The following ETFDH variants were observed in gnomAD, a reference collection of about 807,000 sequenced individuals.
ETFDH encodes the protein electron transfer flavoprotein dehydrogenase.
Under a neutral mutation model 73.2 loss-of-function variants are expected in ETFDH, and 61 were observed. That is an observed-to-expected ratio of 0.83 (90% CI 0.68 to 1.03). The LOEUF (loss-of-function observed/expected upper bound fraction) is 1.03, where lower values mean the gene tolerates loss of function less well. Among genes scored for constraint, ETFDH ranks in the 50% least tolerant of loss-of-function variants. The pLI, the probability that ETFDH is intolerant of heterozygous loss-of-function variation, is 0.00. For missense variants in ETFDH, 685 were observed against 745.0 expected (o/e 0.92, Z 0.94); for synonymous variants, 243 against 253.3 (o/e 0.96, Z 0.39).
chr4:158,700,234 T>C (rs1040130409), intron 9 of ETFDH, among the ~76,000 whole-genome samples: 2 of 152,010 alleles, frequency 1.3e-5, no homozygotes, highest in Non-Finnish European at 2.9e-5. Context: ...ATAAATATAA[T>C]CACTAGAATC....
chr4:158,685,005 A>G, intron 4 of ETFDH, 96 bp from the exon 5 acceptor site: 2 of 778,266 alleles, frequency 2.6e-6, no homozygotes, highest in Non-Finnish European at 4.4e-6. Context: ...GCACTTATGT[A>G]GAAATACATA....
intron 2 of ETFDH, chr4:158,681,938 A>G: frequency 2.0e-6 from 1 of 493,120 alleles, no homozygotes. Flanking sequence ...ACACAAGTAA[A>G]TATTTGCTAA....
At chr4:158,690,325 A>C in intron 5 of ETFDH, 23 bp from the exon 6 acceptor site, 2 of 1,338,598 alleles carry the variant, frequency 1.5e-6, no homozygotes, top group Non-Finnish European at 2.2e-6. Context: ...GGTATTAATA[A>C]ATTTGTTTTT....
chr4:158,708,274 T>G, intron 12 of ETFDH, 90 bp from the exon 13 acceptor site: 1 of 936,716 alleles, frequency 1.1e-6, no homozygotes, highest in Non-Finnish European at 1.7e-6. Flanking sequence ...CTTTAAGGTT[T>G]CTGTGGCTAC....
At chr4:158,685,764 C>A (rs62351200) in intron 5 of ETFDH, among the ~76,000 whole-genome samples, 1 of 152,106 alleles carries the variant, frequency 6.6e-6, no homozygotes, top group Non-Finnish European at 1.5e-5. Context: ...AATGATGACC[C>A]GATAACCCAG....
chr4:158,706,996 T>C (rs1774641805), intron 12 of ETFDH, 146 bp downstream of exon 12: 1 of 630,946 alleles, frequency 1.6e-6, no homozygotes, highest in Non-Finnish European at 2.8e-6. Flanking sequence ...AAACATACTT[T>C]TAACTACTGG....
intron 3 of ETFDH, 81 bp from the exon 4 acceptor site, chr4:158,684,511 A>T: frequency 2.5e-6 from 2 of 803,766 alleles, no homozygotes; most frequent in South Asian, 3.1e-5. Context: ...TCATCAGAGT[A>T]CATTTTATAG....
At chr4:158,680,706 C>G in intron 2 of ETFDH, 99 bp downstream of exon 2, 1 of 1,056,548 alleles carries the variant, frequency 9.5e-7, no homozygotes, top group Non-Finnish European at 1.5e-6. Context: ...TTAAAAACAT[C>G]TAATAATATT....
At chr4:158,675,040 C>T (rs1189388903) in intron 1 of ETFDH, among the ~76,000 whole-genome samples, 5 of 151,950 alleles carry the variant, frequency 3.3e-5, no homozygotes. Flanking sequence ...TTTTTTATAA[C>T]AGCTTTAATA....
chr4:158,699,214 A>G, intron 9 of ETFDH, 84 bp downstream of exon 9: 1 of 1,147,194 alleles, frequency 8.7e-7, no homozygotes, highest in East Asian at 2.5e-5. Context: ...TAGATAAAGA[A>G]TAAAAACAAT....
intron 9 of ETFDH, among the ~76,000 whole-genome samples, chr4:158,702,455 G>A (rs984430116): frequency 1.6e-4 from 24 of 149,116 alleles, no homozygotes; most frequent in Admixed American, 6.7e-5. Context: ...TCCATATCCC[G>A]CCCCCACGCC....
intron 12 of ETFDH, among the ~76,000 whole-genome samples, chr4:158,707,891 C>T (rs550989697): frequency 7.9e-5 from 12 of 152,280 alleles, no homozygotes; most frequent in Admixed American, 3.3e-4. Flanking sequence ...TGTTGGACCT[C>T]GAACTGTAGA....
chr4:158,695,391 C>A, intron 6 of ETFDH, 106 bp from the exon 7 acceptor site: 1 of 761,084 alleles, frequency 1.3e-6, no homozygotes, highest in Non-Finnish European at 2.2e-6. Context: ...TATACATTTG[C>A]ACTGTCTCTT....
intron 5 of ETFDH, among the ~76,000 whole-genome samples, chr4:158,688,106 G>A (rs1278661006): frequency 1.3e-5 from 2 of 149,644 alleles, no homozygotes; most frequent in Admixed American, 1.3e-4. Flanking sequence ...AAAAAAGAAT[G>A]AAACAGGCCA....
At chr4:158,686,308 G>A (rs1774003298) in intron 5 of ETFDH, among the ~76,000 whole-genome samples, 1 of 151,968 alleles carries the variant, frequency 6.6e-6, no homozygotes. Flanking sequence ...CAAAAGACAG[G>A]GTAACAAGAA....
intron 5 of ETFDH, among the ~76,000 whole-genome samples, chr4:158,689,636 A>ATATATATAT (rs765147554): frequency 4.9e-4 from 31 of 63,618 alleles, no homozygotes; most frequent in African/African-American, 8.0e-4. Context: ...ATATATATAT[A>ATATATATAT]TTGTGGGGGG....
At chr4:158,684,492 C>T (rs995475699) in intron 3 of ETFDH, 100 bp from the exon 4 acceptor site, 16 of 652,316 alleles carry the variant, frequency 2.5e-5, no homozygotes, top group Admixed American at 1.3e-4. Flanking sequence ...GGGGGGAGTT[C>T]TTTTTTTGTC....
At chr4:158,681,967 C>T in intron 2 of ETFDH, 1 of 560,310 alleles carries the variant, frequency 1.8e-6, no homozygotes. Flanking sequence ...TAATAAATCT[C>T]AAAGCCAAGA....
intron 12 of ETFDH, among the ~76,000 whole-genome samples, chr4:158,707,239 C>G (rs941649263): frequency 6.6e-6 from 1 of 152,172 alleles, no homozygotes; most frequent in Admixed American, 6.5e-5. Flanking sequence ...ACTTTAAATT[C>G]ACCATGAATA....
Sources: allele counts gnomAD v4.1 joint callset (sites outside exome capture counted in the v4.1 genomes callset), GRCh38; gene constraint gnomAD v4.1.1; transcripts MANE v1.5; gene names NCBI Gene and HGNC (gene_info 2026-07-23, HGNC 2026-07-21).